CFAP46: variants seen among roughly 807,000 people sequenced by gnomAD.
The protein encoded by CFAP46 is cilia and flagella associated protein 46, also known as cilia- and flagella-associated protein 46.
A neutral mutation model predicts 325.7 loss-of-function variants in CFAP46; 245 were observed. That is an observed-to-expected ratio of 0.75 (90% CI 0.68 to 0.84). The LOEUF (loss-of-function observed/expected upper bound fraction) is 0.84, where lower values mean the gene tolerates loss of function less well. Ranked by LOEUF, CFAP46 falls within the 40% of genes least tolerant of loss-of-function variation. The pLI is 0.00. For missense variants in CFAP46, 3,346 were observed against 3,543.0 expected (o/e 0.94, Z 1.41); for synonymous variants, 1,523 against 1,495.9 (o/e 1.02, Z -0.42).
intron 8 of CFAP46, among the ~76,000 whole-genome samples, chr10:132,933,441 C>T (rs540488071): frequency 3.9e-5 from 6 of 152,364 alleles, no homozygotes; most frequent in Non-Finnish European, 5.9e-5. Flanking sequence ...AGGGGATGCT[C>T]GGCCAGGGCC....
At chr10:132,841,804 G>A (rs1591046799) in intron 44 of CFAP46, among the ~76,000 whole-genome samples, 1 of 152,226 alleles carries the variant, frequency 6.6e-6, no homozygotes, top group Non-Finnish European at 1.5e-5. Context: ...CTGGAATTTA[G>A]GGAGCATGGT....
chr10:132,834,543 AC>A, intron 48 of CFAP46, 110 bp downstream of exon 48: 1 of 1,476,230 alleles, frequency 6.8e-7, no homozygotes. Context: ...CGAGTCCTGA[AC>A]AAAGGCGGCC....
At chr10:132,882,054 TGTGGTGCGTGTGGGATGTGGGGTGTGA>T (rs1849053015) in intron 27 of CFAP46, among the ~76,000 whole-genome samples, 1 of 119,432 alleles carries the variant, frequency 8.4e-6, no homozygotes, top group Non-Finnish European at 1.7e-5. Flanking sequence ...GTGGGGGGTG[TGTGGTGCGTGTGGGATGTGGGGTGTGA>T]GTGGTGCGTG....
rs1474620130 is a variant in CFAP46 at position 132,899,633 on chromosome 10, G to A, written c.2958C>T (p.Cys986=). The A allele has an allele frequency of 1.9e-6, 3 of 1,550,246 alleles. No homozygotes were observed. The South Asian group carries it at 3.6e-5, about 18-fold the overall frequency. ...EESRLVAEML[C]TATAIQGRSI... ...TCCTGCCCTGGATGGCCGTGGCTGTGCACAGCATCTCTGCCACCAGCCGGG... is the reference window on the plus strand; with the variant it reads ...TCCTGCCCTGGATGGCCGTGGCTGTACACAGCATCTCTGCCACCAGCCGGG... Residue 986 remains cysteine, a synonymous_variant, in exon 23 of 58, where the codon TGC becomes TGT. Coordinates refer to ENST00000368586, the MANE Select transcript of CFAP46 (RefSeq NM_001200049.3).
intron 5 of CFAP46, among the ~76,000 whole-genome samples, chr10:132,938,297 G>A (rs761871181): frequency 8.5e-5 from 13 of 152,224 alleles, no homozygotes; most frequent in Non-Finnish European, 1.5e-4. Context: ...TTGTAAAACC[G>A]TGAGCCAGGC....
At chr10:132,873,076 C>T (rs970360406) in intron 31 of CFAP46, among the ~76,000 whole-genome samples, 1 of 152,108 alleles carries the variant, frequency 6.6e-6, no homozygotes, top group Non-Finnish European at 1.5e-5. Context: ...TGAACATCAG[C>T]ACCCAAGTAT....
intron 41 of CFAP46, among the ~76,000 whole-genome samples, chr10:132,849,844 G>A (rs114544640): frequency 0.041 from 6,253 of 152,238 alleles, 428 homozygotes; most frequent in African/African-American, 0.14. Flanking sequence ...ACCCTAGGCC[G>A]CTCCTGCAGC....
chr10:132,857,720 G>T lies in CFAP46; in HGVS notation c.5444C>A (p.Ala1815Asp). 6.2e-7 allele frequency: 1 copy of T among 1,610,944 alleles called. No individual in the cohort carries two copies. Among genetic ancestry groups the T allele is most frequent in the South Asian group, 1.1e-5 (1 of 90,412 alleles). ...TTCTTCCTCAGCTACGGCACCCTGGGCCAGGCCATACGCTTCCAAGTAATA... is the reference window on the plus strand; with the variant it reads ...TTCTTCCTCAGCTACGGCACCCTGGTCCAGGCCATACGCTTCCAAGTAATA... ...TAYYLEAYGL[A>D]QGAVAEEEGR... The change falls in exon 39 of 58, where the codon GCC becomes GAC. Residue 1815 changes from alanine (A) to aspartate (D), a missense_variant. Ala to Asp is a moderately radical substitution (Grantham distance 126, BLOSUM62 -2). Coordinates refer to ENST00000368586, the MANE Select transcript of CFAP46 (RefSeq NM_001200049.3).
intron 44 of CFAP46, 144 bp downstream of exon 44, chr10:132,845,913 T>C (rs1848426454): frequency 3.3e-6 from 3 of 920,970 alleles, no homozygotes; most frequent in Non-Finnish European, 4.8e-6. Context: ...CAGGTGCACA[T>C]GGCTGGGGGC....
chr10:132,814,147 C>A lies in CFAP46; in HGVS notation c.7388+5G>T, dbSNP rs370577241. 8 of 1,612,954 alleles carry A rather than the reference C, an allele frequency of 5.0e-6. No individual in the cohort carries two copies. The African/African-American group carries it at 1.1e-4, about 21-fold the overall frequency. On this transcript the variant is annotated splice_donor_5th_base_variant and intron_variant, in intron 54 of 57. Coordinates refer to ENST00000368586, the MANE Select transcript of CFAP46 (RefSeq NM_001200049.3). ...CAAACGGCTCCTGGGAGCCCAGATC[C>A]GAACCTGGGAAAGTGCTTGCTTCCC...
chr10:132,821,528 ATGTGTG>A (rs1565035421), intron 50 of CFAP46, among the ~76,000 whole-genome samples: 36 of 78,754 alleles, frequency 4.6e-4, no homozygotes, highest in African/African-American at 1.9e-3. Context: ...CTGTGTGCTG[ATGTGTG>A]CTGATGTGTG....
intron 50 of CFAP46, among the ~76,000 whole-genome samples, chr10:132,822,711 A>ATGTGTGCTG (rs1847895143): frequency 1.4e-5 from 1 of 73,642 alleles, no homozygotes; most frequent in African/African-American, 5.6e-5. Context: ...GTGAGTGCTG[A>ATGTGTGCTG]TGTGTGCTGA....
At chr10:132,857,895 T>C in intron 38 of CFAP46, 107 bp from the exon 39 acceptor site, 2 of 1,004,060 alleles carry the variant, frequency 2.0e-6, no homozygotes, top group South Asian at 3.6e-5. Context: ...CTTAAAATGA[T>C]GTTTTAAAAT....
chr10:132,821,298 T>TGA, intron 50 of CFAP46, among the ~76,000 whole-genome samples: 2 of 141,876 alleles, frequency 1.4e-5, no homozygotes. Context: ...GTGTGCTGTG[T>TGA]GTGCTGTGTG....
Position 132,918,512 on chromosome 10 carries a change from T to G in CFAP46, c.1867A>C (p.Lys623Gln), listed in dbSNP as rs1036034016. 2.6e-5 allele frequency: 39 copies of G among 1,514,592 alleles called. No individual in the cohort carries two copies. The East Asian group carries it at 4.5e-4, about 17-fold the overall frequency. 93.8% of individuals were successfully genotyped at this position (1,514,592 alleles called of 1,614,324 possible). The change falls in exon 16 of 58, where the codon AAG becomes CAG. Residue 623 changes from lysine (K) to glutamine (Q), a missense_variant. By Grantham distance (53) the Lys-to-Gln change is moderately conservative (BLOSUM62 1). Transcript: ENST00000368586. The stretch of plus-strand genomic sequence containing the variant: ...TGCACCGAGCCGTCCCTACCTCGCT[T>G]CTTCTTCCCTGAGAGAAATGGCAGC... Reference protein sequence around the residue: ...KKLRLRRGKKKRGRDGSVQDT... With the variant: ...KKLRLRRGKKQRGRDGSVQDT...
intron 15 of CFAP46, among the ~76,000 whole-genome samples, chr10:132,918,823 G>A (rs1360685191): frequency 8.5e-5 from 13 of 152,142 alleles, no homozygotes; most frequent in Non-Finnish European, 2.9e-5. Flanking sequence ...CTGCCTTCTT[G>A]GGGGGTGCCC....
chr10:132,941,175 G>A, intron 3 of CFAP46, 115 bp from the exon 4 acceptor site: 4 of 1,008,484 alleles, frequency 4.0e-6, no homozygotes, highest in Admixed American at 1.8e-5. Context: ...TGTGTCACCT[G>A]TGTATCCACA....
chr10:132,850,481 C>T lies in CFAP46; in HGVS notation c.5764-49G>A, dbSNP rs550922762. 25 of 1,483,930 alleles carry T rather than the reference C, an allele frequency of 1.7e-5. No homozygotes were observed. The African/African-American group carries it at 2.4e-4, about 14-fold the overall frequency. 91.9% of individuals were successfully genotyped at this position (1,483,930 alleles called of 1,614,324 possible). On this transcript the variant is annotated intron_variant, in intron 40 of 57. Transcript: ENST00000368586. Reference sequence around the variant, plus strand: ...AGCTGCCACCCCAAGGGCAACCGCCCACCCTGCCCAGGGGACCCAGTGAGC... The same window carrying T: ...AGCTGCCACCCCAAGGGCAACCGCCTACCCTGCCCAGGGGACCCAGTGAGC...
chr10:132,910,313 G>A lies in CFAP46; in HGVS notation c.2500-245C>T, dbSNP rs192020217. On this transcript the variant is annotated intron_variant, in intron 19 of 57. Coordinates refer to ENST00000368586, the MANE Select transcript of CFAP46 (RefSeq NM_001200049.3). ...GCGCCCCGGCCCTCACTCCTGAGCT[G>A]TCCCCACGGCATGGGCCTGGGACCC... is the stretch of plus-strand genomic sequence containing the variant. Among the ~76,000 whole-genome samples, 7 of 152,320 alleles carry A rather than the reference G, an allele frequency of 4.6e-5. No individual in the cohort carries two copies. In the East Asian group the frequency reaches 1.4e-3, roughly 29 times the overall value.
Sources: allele counts gnomAD v4.1 joint callset (sites outside exome capture counted in the v4.1 genomes callset), GRCh38; gene constraint gnomAD v4.1.1; transcripts MANE v1.5; gene names NCBI Gene and HGNC (gene_info 2026-07-23, HGNC 2026-07-21).